ARHGAP32: variants seen among roughly 807,000 people sequenced by gnomAD.
ARHGAP32 encodes Rho GTPase activating protein 32.
A neutral mutation model predicts 186.5 loss-of-function variants in ARHGAP32; 51 were observed. The observed-to-expected ratio is 0.27, with a 90% CI of 0.22 to 0.35. The LOEUF is 0.35. Among genes scored for constraint, ARHGAP32 ranks in the 10% least tolerant of loss-of-function variants. ARHGAP32 has a pLI of 1.00. For missense variants in ARHGAP32, 2,186 were observed against 2,623.5 expected (o/e 0.83, Z 3.64); for synonymous variants, 950 against 964.3 (o/e 0.99, Z 0.27).
intron 1 of ARHGAP32, among the ~76,000 whole-genome samples, chr11:129,225,067 A>G (rs1944762115): frequency 6.6e-6 from 1 of 152,150 alleles, no homozygotes; most frequent in Admixed American, 6.6e-5. Context: ...TGATCATGCC[A>G]CTGCACTCCA....
chr11:129,025,672 AAGAAGAGAAGGAGGGATGAG>A (rs1938807352), intron 11 of ARHGAP32, among the ~76,000 whole-genome samples: 1 of 152,054 alleles, frequency 6.6e-6, no homozygotes. Context: ...AAAAAAGAGA[AAGAAGAGAAGGAGGGATGAG>A]GGAAGAGAGT....
intron 1 of ARHGAP32, among the ~76,000 whole-genome samples, chr11:129,231,683 A>C (rs1944860692): frequency 1.3e-5 from 2 of 152,182 alleles, no homozygotes; most frequent in Non-Finnish European, 2.9e-5. Flanking sequence ...AGTCATCCCA[A>C]CTGAAGACAA....
Position 129,021,162 on chromosome 11 carries a change from G to A in ARHGAP32, c.1045+19766C>T, listed in dbSNP as rs1938575397. ...GGTTCTATCTAATTATGAGAGAAGA[G>A]TAGACATTTCAAAAGGCATTACTGA... On this transcript the variant is annotated intron_variant, in intron 11 of 22. Coordinates refer to ENST00000682385, the MANE Select transcript of ARHGAP32 (RefSeq NM_001378024.1). 4.6e-5 allele frequency among the ~76,000 whole-genome samples: 7 copies of A among 152,032 alleles called. No homozygotes were observed. The South Asian group carries it at 1.4e-3, about 31-fold the overall frequency.
intron 2 of ARHGAP32, among the ~76,000 whole-genome samples, chr11:129,143,709 C>A (rs1037981110): frequency 3.7e-5 from 5 of 133,962 alleles, no homozygotes; most frequent in African/African-American, 1.3e-4. Flanking sequence ...GTGAAGTTCT[C>A]AACTTAATAA....
rs369172154 is a variant in ARHGAP32, at chr11:129,149,416, C to A, written c.225+14903G>T. 1.7e-3 allele frequency among the ~76,000 whole-genome samples: 262 copies of A among 152,332 alleles called. 3 individuals carry two copies. Among genetic ancestry groups the A allele is most frequent in the Middle Eastern group, 3.4e-3 (1 of 294 alleles). ...CCTGCCACCTCCATCCAAGCAAGTG[C>A]TGGCATCCATGCCTGGGAGACCTGA... On this transcript the variant is annotated intron_variant, in intron 2 of 22. Coordinates refer to ENST00000682385, the MANE Select transcript of ARHGAP32 (RefSeq NM_001378024.1).
rs533131333 is a variant in ARHGAP32, at chr11:129,198,373, G to C, written c.-4-33946C>G. Among the ~76,000 whole-genome samples, 89 of 152,246 alleles carry C rather than the reference G, an allele frequency of 5.8e-4. 1 individual carries two copies. The highest frequency in any genetic ancestry group is 1.2e-3 in the South Asian group (6 of 4,816). On this transcript the variant is annotated intron_variant, in intron 1 of 6. Transcript: ENST00000525234. ...TGGTCTTAGACAAGTGATAAGGTTT[G>C]GCTGTGTCCCCACCCAAATTTCATC...
In ARHGAP32 at chr11:129,060,807, A is replaced by T. The variant is rs1565402051; in HGVS notation, c.963+1473T>A. Among the ~76,000 whole-genome samples the T allele has an allele frequency of 7.5e-5, 11 of 147,034 alleles. No homozygotes were observed. The Admixed American group carries it at 7.5e-4, about 10-fold the overall frequency. The stretch of plus-strand genomic sequence containing the variant: ...TAAATTTAAAAATCAACACTTATTG[A>T]TTAAAAAAAAATTATACATCAGACC... On this transcript the variant is annotated intron_variant, in intron 10 of 22. Transcript: ENST00000682385.
intron 1 of ARHGAP32, among the ~76,000 whole-genome samples, chr11:129,202,762 T>C (rs886842799): frequency 6.6e-6 from 1 of 152,136 alleles, no homozygotes; most frequent in African/African-American, 2.4e-5. Flanking sequence ...ACCAACCCAA[T>C]ATTTACTGTT....
At chr11:129,188,405 G>A (rs1263003502) in intron 1 of ARHGAP32, among the ~76,000 whole-genome samples, 1 of 152,146 alleles carries the variant, frequency 6.6e-6, no homozygotes, top group African/African-American at 2.4e-5. Flanking sequence ...GCTTCCAGGG[G>A]AAATGAGCCA....
chr11:129,242,815 A>C (rs1396422999), intron 1 of ARHGAP32, among the ~76,000 whole-genome samples: 1 of 151,344 alleles, frequency 6.6e-6, no homozygotes, highest in East Asian at 1.9e-4. Flanking sequence ...TTTTGGACAC[A>C]CCTCTGTACC....
At chr11:129,110,181 A>G (rs1037488883) in intron 5 of ARHGAP32, among the ~76,000 whole-genome samples, 1 of 152,072 alleles carries the variant, frequency 6.6e-6, no homozygotes, top group Non-Finnish European at 1.5e-5. Flanking sequence ...TTTCCCAGCA[A>G]CATTTATTGA....
At position 128,977,868 on chromosome 11, in the gene ARHGAP32, T is replaced by G. The variant is rs902573138; in HGVS notation, c.2122+902A>C. Among the ~76,000 whole-genome samples, 561 of 146,794 alleles carry G rather than the reference T, an allele frequency of 3.8e-3. 7 individuals carry two copies. The highest frequency in any genetic ancestry group is 3.6e-3 in the Non-Finnish European group (244 of 67,012). On this transcript the variant is annotated intron_variant, in intron 19 of 22. Transcript: ENST00000682385. ...ATTTGCAATTTATTATTATTATTAT[T>G]ATTATTATTATTATTATTATTATTA...
At position 128,970,735 on chromosome 11, in the gene ARHGAP32, G is replaced by T. The variant is rs746360514; in HGVS notation, c.4478C>A (p.Pro1493His). Residue 1493 changes from proline (P) to histidine (H), a missense_variant, in exon 23 of 23, where the codon CCC becomes CAC. Pro to His is a moderately conservative substitution (Grantham distance 77). Coordinates refer to ENST00000682385, the MANE Select transcript of ARHGAP32 (RefSeq NM_001378024.1). This position sits in a 1 kb window ranked among gnomAD's most constrained non-coding sequence, Gnocchi z 5.8. ...QKTVYSSFARPDVTTEPFGPD... is the reference protein window; with the variant it reads ...QKTVYSSFARHDVTTEPFGPD... ...ACCAAAGGGTTCAGTGGTGACATCGGGCCTAGCAAAGGAGGAGTAAACTGT... is the reference window on the plus strand; with the variant it reads ...ACCAAAGGGTTCAGTGGTGACATCGTGCCTAGCAAAGGAGGAGTAAACTGT... 10 of 1,614,036 alleles carry T rather than the reference G, an allele frequency of 6.2e-6. No homozygotes were observed. In the African/African-American group the frequency reaches 1.2e-4, roughly 19 times the overall value.
At position 128,975,016 on chromosome 11, in the gene ARHGAP32, A is replaced by G. The variant is rs372224776; in HGVS notation, c.2195-14T>C. The stretch of plus-strand genomic sequence containing the variant: ...GCTTAGAATCACCTGGAAAAAATGA[A>G]TAACAGTGTCAAAGTAAGAACATCG... On this transcript the variant is annotated splice_polypyrimidine_tract_variant and intron_variant, in intron 20 of 22. Coordinates refer to ENST00000682385, the MANE Select transcript of ARHGAP32 (RefSeq NM_001378024.1). The G allele has an allele frequency of 1.7e-5, 27 of 1,587,970 alleles. No individual in the cohort carries two copies. Among genetic ancestry groups the G allele is most frequent in the South Asian group, 7.0e-5 (6 of 85,638 alleles).
In ARHGAP32 at chr11:129,146,395, C is replaced by G. The variant is rs376081437; in HGVS notation, c.225+17924G>C. 9.2e-5 allele frequency among the ~76,000 whole-genome samples: 14 copies of G among 152,142 alleles called. No individual in the cohort carries two copies. In the East Asian group the frequency reaches 2.5e-3, roughly 27 times the overall value. On this transcript the variant is annotated intron_variant, in intron 2 of 22. Transcript: ENST00000682385. ...TTGCAGTATTATGCTCTGTCTTGGCCAGGACATGAATCATCACCAGCATAT... is the reference window on the plus strand; with the variant it reads ...TTGCAGTATTATGCTCTGTCTTGGCGAGGACATGAATCATCACCAGCATAT...
intron 6 of ARHGAP32, among the ~76,000 whole-genome samples, chr11:129,084,002 C>T (rs1436078436): frequency 6.7e-6 from 1 of 148,744 alleles, no homozygotes; most frequent in Non-Finnish European, 1.5e-5. Flanking sequence ...ATCACATGGA[C>T]ATTAAAAGGA....
At chr11:129,047,509 C>T (rs1209435132) in intron 10 of ARHGAP32, among the ~76,000 whole-genome samples, 1 of 151,962 alleles carries the variant, frequency 6.6e-6, no homozygotes, top group Non-Finnish European at 1.5e-5. Flanking sequence ...TGTTTTAAAT[C>T]AGTACCCTTT....
At chr11:129,033,536 T>TGCGTA (rs1939199997) in intron 11 of ARHGAP32, among the ~76,000 whole-genome samples, 1 of 152,220 alleles carries the variant, frequency 6.6e-6, no homozygotes, top group Non-Finnish European at 1.5e-5. Flanking sequence ...ATTCTGCAAA[T>TGCGTA]ATCTTCCCAC....
intron 11 of ARHGAP32, among the ~76,000 whole-genome samples, chr11:129,030,725 T>C (rs972687971): frequency 6.6e-6 from 1 of 152,192 alleles, no homozygotes; most frequent in Non-Finnish European, 1.5e-5. Flanking sequence ...TAATGAATGT[T>C]TCCTTCATGT....
Sources: gnomAD v4.1 joint callset for allele counts (sites outside exome capture counted in the v4.1 genomes callset) on GRCh38, gnomAD v4.1.1 for gene constraint, Gnocchi (gnomAD v3.1) non-coding constraint, MANE v1.5 for transcripts, NCBI Gene and HGNC (gene_info 2026-07-23, HGNC 2026-07-21) for gene names.